ERAS: variants seen among roughly 807,000 people sequenced by gnomAD.
ERAS encodes the protein ES cell expressed Ras.
For missense variants in ERAS, 137 were observed against 199.2 expected, an observed-to-expected ratio of 0.69 and a Z score of 1.88; for synonymous variants, 87 against 89.1, an observed-to-expected ratio of 0.98 and a Z score of 0.13.
In ERAS at chrX:48,828,709, G is replaced by A. The variant is rs182317230; in HGVS notation, c.-43-372G>A. On this transcript the variant is annotated intron_variant, in intron 1 of 1. Transcript: ENST00000636362. ...CTAATGGGCATGGGGATTCTTTTCT[G>A]GGTGAGGAAAATGTTCTAAAATTTA... Among the ~76,000 whole-genome samples the A allele has an allele frequency of 1.1e-4, 12 of 110,770 alleles. No individual in the cohort carries two copies. In the East Asian group the frequency reaches 2.0e-3, roughly 18 times the overall value.
At chrX:48,826,810 G>T (rs2063160480) in intron 1 of ERAS, among the ~76,000 whole-genome samples, 1 of 111,952 alleles carries the variant, frequency 8.9e-6, no homozygotes, top group African/African-American at 3.2e-5. Flanking sequence ...TCCGCACTCC[G>T]AGCTTTGCAC....
intron 1 of ERAS, among the ~76,000 whole-genome samples, chrX:48,828,156 A>T (rs1602290013): frequency 9.3e-6 from 1 of 108,019 alleles, no homozygotes; most frequent in East Asian, 2.9e-4. Context: ...CCTCCCGAGT[A>T]GCTGGGATTA....
chrX:48,828,244 G>T (rs1204967192), intron 1 of ERAS, among the ~76,000 whole-genome samples: 1 of 110,616 alleles, frequency 9.0e-6, no homozygotes, highest in Non-Finnish European at 1.9e-5. Flanking sequence ...GGGCAGGCTG[G>T]TCTCGAACTC....
intron 1 of ERAS, among the ~76,000 whole-genome samples, chrX:48,826,802 C>T (rs1303362490): frequency 8.9e-6 from 1 of 111,988 alleles, no homozygotes; most frequent in Non-Finnish European, 1.9e-5. Flanking sequence ...GGGACCCTTC[C>T]GCACTCCGAG....
In ERAS at chrX:48,829,650, A is replaced by G; in HGVS notation, c.527A>G (p.His176Arg). The G allele has an allele frequency of 8.3e-7, 1 of 1,210,695 alleles. No homozygotes were observed. Among genetic ancestry groups the G allele is most frequent in the South Asian group, 1.8e-5 (1 of 56,677 alleles). ...AAALAHSWGA[H>R]FVETSAKTRQ... ...GCCCTCGCACACAGCTGGGGGGCCC[A>G]CTTCGTGGAGACCTCGGCCAAAACA... The change falls in exon 2 of 2, where the codon CAC becomes CGC. Residue 176 changes from histidine to arginine, a missense_variant. Transcript: ENST00000636362.
chrX:48,828,777 C>T (rs2063165339), intron 1 of ERAS: 3 of 175,106 alleles, frequency 1.7e-5, no homozygotes, highest in Non-Finnish European at 3.2e-5. Flanking sequence ...TGCTAAAACC[C>T]GTTAAATTGG....
At chrX:48,827,851 A>G (rs1009098516) in intron 1 of ERAS, among the ~76,000 whole-genome samples, 2 of 110,837 alleles carry the variant, frequency 1.8e-5, no homozygotes, top group South Asian at 3.8e-4. Context: ...CCAGAATCCA[A>G]TCCTCACAAG....
Position 48,829,850 on chromosome X carries a change from CT to C in ERAS, c.*28del, listed in dbSNP as rs869277237. 3 of 1,088,123 alleles carry C rather than the reference CT, an allele frequency of 2.8e-6. No individual in the cohort carries two copies. Among genetic ancestry groups the C allele is most frequent in the African/African-American group, 3.7e-5 (2 of 53,406 alleles). 89.7% of individuals were successfully genotyped at this position (1,088,123 alleles called of 1,213,427 possible). ...AAGGTCTTGGCCAAGAAATGTAGAC[CT>C]TTCCCCAGGCCAGGGTGATTGTTCA... On this transcript the variant is annotated 3_prime_UTR_variant, in exon 2 of 2. Coordinates refer to ENST00000636362, the MANE Select transcript of ERAS (RefSeq NM_181532.3).
chrX:48,829,041 G>A lies in ERAS; in HGVS notation c.-43-40G>A, dbSNP rs1037039011. Reference sequence around the variant, plus strand: ...TTGCCCTCAAATGGTCTCCCCTAACGTATCCCCTGTTGTCTTGCTTCTTCT... The same window carrying A: ...TTGCCCTCAAATGGTCTCCCCTAACATATCCCCTGTTGTCTTGCTTCTTCT... On this transcript the variant is annotated intron_variant, in intron 1 of 1. Transcript: ENST00000636362. 2.9e-5 allele frequency: 25 copies of A among 858,513 alleles called. 1 individual carries two copies. The Admixed American group carries it at 7.7e-4, about 26-fold the overall frequency. The allele number at this position is 858,513 out of a possible 1,213,427, so 70.8% of individuals were successfully genotyped here.
chrX:48,828,112 C>T (rs1424033334), intron 1 of ERAS, among the ~76,000 whole-genome samples: 1 of 106,400 alleles, frequency 9.4e-6, no homozygotes, highest in East Asian at 2.9e-4. Flanking sequence ...CTGCAACCTC[C>T]GCCTCCCGGG....
At chrX:48,829,026 A>G in intron 1 of ERAS, 55 bp from the exon 2 acceptor site, 1 of 703,375 alleles carries the variant, frequency 1.4e-6, no homozygotes, top group African/African-American at 2.2e-5. Context: ...TTGCCCTCAA[A>G]TGGTCTCCCC....
rs143809154 is a variant in ERAS, at chrX:48,829,539, G to T, written c.416G>T (p.Gly139Val). The T allele has an allele frequency of 2.0e-4, 241 of 1,211,188 alleles. No individual in the cohort carries two copies. The highest frequency in any genetic ancestry group is 2.6e-4 in the Non-Finnish European group (231 of 895,298). Reference protein sequence around the residue: ...IQLQQIWATWGPHPAQPLVLV... With the variant: ...IQLQQIWATWVPHPAQPLVLV... ...CTGCAGCAGATATGGGCCACCTGGG[G>T]CCCTCACCCCGCCCAGCCCCTTGTC... The change falls in exon 2 of 2, where the codon GGC becomes GTC. Residue 139 changes from glycine to valine, a missense_variant. Transcript: ENST00000636362.
At position 48,829,646 on chromosome X, in the gene ERAS, G is replaced by A; in HGVS notation, c.523G>A (p.Ala175Thr). The change falls in exon 2 of 2, where the codon GCC (alanine) becomes ACC (threonine). Residue 175 changes from alanine (A) to threonine (T), a missense_variant. Transcript: ENST00000636362. The part of the protein sequence containing the change: ...AAAALAHSWG[A>T]HFVETSAKTR... ...TGCAGCCCTCGCACACAGCTGGGGG[G>A]CCCACTTCGTGGAGACCTCGGCCAA... The A allele has an allele frequency of 8.3e-7, 1 of 1,210,595 alleles. No individual in the cohort carries two copies. Among genetic ancestry groups the A allele is most frequent in the South Asian group, 1.8e-5 (1 of 56,671 alleles).
intron 1 of ERAS, among the ~76,000 whole-genome samples, 174 bp downstream of exon 1, chrX:48,826,723 G>A (rs2063159991): frequency 8.9e-6 from 1 of 112,067 alleles, no homozygotes; most frequent in African/African-American, 3.2e-5. Flanking sequence ...ACCCGGAGTC[G>A]GGATGGGTCT....
Position 48,829,401 on chromosome X carries a change from T to A in ERAS, c.278T>A (p.Val93Glu). Residue 93 changes from valine (V) to glutamate (E), a missense_variant, in exon 2 of 2, where the codon GTG becomes GAG. Coordinates refer to ENST00000636362, the MANE Select transcript of ERAS (RefSeq NM_181532.3). The part of the protein sequence containing the change: ...TLDSGDCILN[V>E]LDTAGQAIHR... ...GACAGTGGGGACTGCATTCTGAATG[T>A]GCTGGACACAGCAGGGCAGGCCATC... 8.3e-7 allele frequency: 1 copy of A among 1,208,951 alleles called. No individual in the cohort carries two copies. Among genetic ancestry groups the A allele is most frequent in the African/African-American group, 1.7e-5 (1 of 57,987 alleles).
chrX:48,826,735 G>A (rs782807206), intron 1 of ERAS, among the ~76,000 whole-genome samples, 186 bp downstream of exon 1: 34 of 112,212 alleles, frequency 3.0e-4, no homozygotes, highest in African/African-American at 1.1e-3. Context: ...GATGGGTCTT[G>A]ACAGGATGCC....
rs782480196 is a variant in ERAS, at chrX:48,829,669, C to T, written c.546C>T (p.Ala182=). 6 of 1,207,972 alleles carry T rather than the reference C, an allele frequency of 5.0e-6. No individual in the cohort carries two copies. Among genetic ancestry groups the T allele is most frequent in the Non-Finnish European group, 5.6e-6 (5 of 894,005 alleles). ...SWGAHFVETS[A]KTRQGVEEAF... is the part of the protein sequence containing the mutation. The stretch of plus-strand genomic sequence containing the variant: ...GGGCCCACTTCGTGGAGACCTCGGC[C>T]AAAACACGGCAAGGCGTGGAGGAGG... Residue 182 remains alanine (A), a synonymous_variant, in exon 2 of 2, where the codon GCC becomes GCT. Transcript: ENST00000636362.
In ERAS at chrX:48,829,321, C is replaced by T. The variant is rs1342100686; in HGVS notation, c.198C>T (p.Phe66=). The T allele has an allele frequency of 6.6e-6, 8 of 1,211,277 alleles. No individual in the cohort carries two copies. The highest frequency in any genetic ancestry group is 8.9e-6 in the Non-Finnish European group (8 of 895,392). The change falls in exon 2 of 2, where the codon TTC becomes TTT. Residue 66 remains phenylalanine, a synonymous_variant. Coordinates refer to ENST00000636362, the MANE Select transcript of ERAS (RefSeq NM_181532.3). The part of the protein sequence containing the change: ...ALTIQLNHQC[F]VEDHDPTIQD... The stretch of plus-strand genomic sequence containing the variant: ...CCATCCAGCTGAACCACCAGTGCTT[C>T]GTGGAGGACCACGACCCCACCATCC...
At position 48,829,752 on chromosome X, in the gene ERAS, C is replaced by T. The variant is rs1318851462; in HGVS notation, c.629C>T (p.Pro210Leu). The change falls in exon 2 of 2, where the codon CCC (proline) becomes CTC (leucine). Residue 210 changes from proline to leucine, a missense_variant. Pro to Leu is a moderately conservative substitution (Grantham distance 98). Coordinates refer to ENST00000636362, the MANE Select transcript of ERAS (RefSeq NM_181532.3). ...GTCCAGGAGGCCATGGCGAAGGAGC[C>T]CATGGCAAGGTCCTGTAGGGAGAAG... ...QRVQEAMAKE[P>L]MARSCREKTR... The T allele has an allele frequency of 8.3e-7, 1 of 1,199,601 alleles. No homozygotes were observed. The highest frequency in any genetic ancestry group is 1.1e-6 in the Non-Finnish European group (1 of 889,629).
Sources: gnomAD v4.1 joint callset for allele counts (sites outside exome capture counted in the v4.1 genomes callset) on GRCh38, gnomAD v4.1.1 for gene constraint, MANE v1.5 for transcripts, NCBI Gene and HGNC (gene_info 2026-07-23, HGNC 2026-07-21) for gene names.